Variants in KIAA0513 observed in about 807,000 individuals in gnomAD.
KIAA0513 encodes uncharacterized protein KIAA0513.
A neutral mutation model predicts 56.5 loss-of-function variants in KIAA0513; 39 were observed. The observed-to-expected ratio is 0.69, with a 90% CI of 0.53 to 0.90. The LOEUF (loss-of-function observed/expected upper bound fraction) is 0.90. KIAA0513 is among the 40% of genes least tolerant of loss of function. KIAA0513 has a pLI of 0.00. For synonymous variants in KIAA0513, 268 were observed against 215.6 expected, an observed-to-expected ratio of 1.24 and a Z score of -2.13; for missense variants, 591 against 535.2, an observed-to-expected ratio of 1.10 and a Z score of -1.03.
chr16:85,040,671 C>G (rs1426505535), intron 1 of KIAA0513, among the ~76,000 whole-genome samples: 2 of 152,202 alleles, frequency 1.3e-5, no homozygotes, highest in Admixed American at 6.5e-5. Context: ...ATTCCCTTCT[C>G]TCTGTTCAGG....
chr16:85,084,373 G>A (rs907140847), intron 10 of KIAA0513, among the ~76,000 whole-genome samples: 5 of 149,192 alleles, frequency 3.4e-5, no homozygotes, highest in Non-Finnish European at 5.9e-5. Context: ...AGCCTCCCGA[G>A]TAGCTGGGAT....
In KIAA0513 at chr16:85,076,015, G is replaced by T. The variant is rs1465467310; in HGVS notation, c.574+101G>T. On this transcript the variant is annotated intron_variant, in intron 5 of 12. Coordinates refer to ENST00000683363, the MANE Select transcript of KIAA0513 (RefSeq NM_001388359.1). This position sits in a 1 kb window ranked among gnomAD's most constrained non-coding sequence, Gnocchi z 4.7. Reference sequence around the variant, plus strand: ...TTCATGATAAAAAGCAAAAGCTATGGGGCCTCCAGAGAACAGAGGAAGCTG... The same window carrying T: ...TTCATGATAAAAAGCAAAAGCTATGTGGCCTCCAGAGAACAGAGGAAGCTG... The T allele has an allele frequency of 9.2e-6, 8 of 865,112 alleles. No individual in the cohort carries two copies. In the East Asian group the frequency reaches 1.5e-4, roughly 16 times the overall value. 53.6% of individuals were successfully genotyped at this position (865,112 alleles called of 1,614,324 possible). A position where few individuals can be genotyped will look rare whatever the true frequency, so the allele number is the denominator to read the frequency against.
At chr16:85,030,572 C>T (rs938867934) in intron 1 of KIAA0513, among the ~76,000 whole-genome samples, 1 of 151,878 alleles carries the variant, frequency 6.6e-6, no homozygotes, top group African/African-American at 2.4e-5. Context: ...CGTGGTGAAA[C>T]CCCGTCTCTA....
intron 1 of KIAA0513, among the ~76,000 whole-genome samples, chr16:85,042,969 A>G (rs1187089178): frequency 6.6e-6 from 1 of 152,228 alleles, no homozygotes; most frequent in Non-Finnish European, 1.5e-5. Context: ...GAAAACTGTG[A>G]TTGTATATAA....
intron 1 of KIAA0513, among the ~76,000 whole-genome samples, chr16:85,034,350 A>T (rs980076117): frequency 1.3e-5 from 2 of 152,204 alleles, no homozygotes; most frequent in Non-Finnish European, 1.5e-5. Flanking sequence ...ATTGAACTCC[A>T]GTCTGGGCGA....
At chr16:85,029,981 G>A (rs534395007) in intron 1 of KIAA0513, among the ~76,000 whole-genome samples, 1 of 152,182 alleles carries the variant, frequency 6.6e-6, no homozygotes, top group African/African-American at 2.4e-5. Flanking sequence ...ACCGTCTGAC[G>A]CTGGATATAG....
intron 1 of KIAA0513, among the ~76,000 whole-genome samples, chr16:85,049,240 C>T (rs891976142): frequency 3.9e-5 from 6 of 152,234 alleles, no homozygotes; most frequent in African/African-American, 1.4e-4. Context: ...CCCGCCAGGC[C>T]ATCCCTGGAT....
At chr16:85,043,106 T>C (rs2073125340) in intron 1 of KIAA0513, among the ~76,000 whole-genome samples, 1 of 152,224 alleles carries the variant, frequency 6.6e-6, no homozygotes, top group African/African-American at 2.4e-5. Context: ...AATACAATTT[T>C]AGACTAGCAG....
intron 1 of KIAA0513, among the ~76,000 whole-genome samples, chr16:85,036,397 G>T (rs1025982489): frequency 2.0e-5 from 3 of 152,166 alleles, no homozygotes; most frequent in African/African-American, 7.2e-5. Flanking sequence ...GGATTCGCCT[G>T]CTCTGGACAT....
At chr16:85,033,586 G>A (rs1187048692) in intron 1 of KIAA0513, among the ~76,000 whole-genome samples, 2 of 151,988 alleles carry the variant, frequency 1.3e-5, no homozygotes, top group African/African-American at 4.8e-5. Context: ...CCAGAGCTCT[G>A]CACTTCTGCA....
At chr16:85,057,750 G>A (rs2143959200) in intron 1 of KIAA0513, among the ~76,000 whole-genome samples, 1 of 151,490 alleles carries the variant, frequency 6.6e-6, no homozygotes, top group Non-Finnish European at 1.5e-5. Context: ...TGGAGAGGCT[G>A]CCTCTGCTTT....
intron 1 of KIAA0513, among the ~76,000 whole-genome samples, chr16:85,048,706 T>A (rs890968333): frequency 1.3e-5 from 2 of 152,238 alleles, no homozygotes; most frequent in Non-Finnish European, 2.9e-5. Flanking sequence ...GTTGTGCCAC[T>A]GCACCTTAGC....
At chr16:85,068,957 A>C (rs1462136993) in intron 2 of KIAA0513, among the ~76,000 whole-genome samples, 1 of 152,120 alleles carries the variant, frequency 6.6e-6, no homozygotes, top group Non-Finnish European at 1.5e-5. Context: ...GGTTGCAATG[A>C]TTCACTGAAA....
At position 85,093,125 on chromosome 16, in the gene KIAA0513, G is replaced by A. The variant is rs1489650689; in HGVS notation, c.*4800G>A. Reference sequence around the variant, plus strand: ...TGCCTCTGGTGCTGGCAAGGGATTGGGTTTGTGTGGGTGTCTCTAGCCTGC... The same window carrying A: ...TGCCTCTGGTGCTGGCAAGGGATTGAGTTTGTGTGGGTGTCTCTAGCCTGC... On this transcript the variant is annotated 3_prime_UTR_variant, in exon 13 of 13. Transcript: ENST00000683363. 1 of 152,374 alleles carries A rather than the reference G, an allele frequency of 6.6e-6. No homozygotes were observed. The highest frequency in any genetic ancestry group is 1.9e-4 in the East Asian group (1 of 5,192). 9.4% of individuals were successfully genotyped at this position (152,374 alleles called of 1,614,324 possible). A position where few individuals can be genotyped will look rare whatever the true frequency, so the allele number is the denominator to read the frequency against.
chr16:85,035,998 A>T (rs1014262858), intron 1 of KIAA0513, among the ~76,000 whole-genome samples: 1 of 150,748 alleles, frequency 6.6e-6, no homozygotes, highest in African/African-American at 2.4e-5. Context: ...AAAAAAAAAA[A>T]GGAATGGGTT....
At chr16:85,048,353 A>G (rs892988114) in intron 1 of KIAA0513, among the ~76,000 whole-genome samples, 5 of 152,194 alleles carry the variant, frequency 3.3e-5, no homozygotes, top group African/African-American at 1.2e-4. Flanking sequence ...AGACATGGAA[A>G]GGGGTTTCTA....
At chr16:85,043,100 C>G (rs778952363) in intron 1 of KIAA0513, among the ~76,000 whole-genome samples, 4 of 152,134 alleles carry the variant, frequency 2.6e-5, no homozygotes, top group Non-Finnish European at 5.9e-5. Context: ...AACCGAAATA[C>G]AATTTTAGAC....
intron 1 of KIAA0513, among the ~76,000 whole-genome samples, chr16:85,030,297 C>G (rs907471495): frequency 6.6e-6 from 1 of 152,224 alleles, no homozygotes; most frequent in African/African-American, 2.4e-5. Flanking sequence ...GCACGCAGTT[C>G]TCCGGCAGCC....
chr16:85,068,640 T>C (rs1298012831), intron 2 of KIAA0513, among the ~76,000 whole-genome samples: 1 of 152,136 alleles, frequency 6.6e-6, no homozygotes, highest in African/African-American at 2.4e-5. Flanking sequence ...CCAGTTTTTG[T>C]ATTTTTAGTA....
Sources: gnomAD v4.1 joint callset for allele counts (sites outside exome capture counted in the v4.1 genomes callset) on GRCh38, gnomAD v4.1.1 for gene constraint, Gnocchi (gnomAD v3.1) non-coding constraint, MANE v1.5 for transcripts, NCBI Gene and HGNC (gene_info 2026-07-23, HGNC 2026-07-21) for gene names.